Variants in FRMD8 observed in about 807,000 individuals in gnomAD.
FRMD8 encodes FERM domain-containing protein 8.
A neutral mutation model predicts 54.2 loss-of-function variants in FRMD8; 37 were observed. The observed-to-expected ratio is 0.68, with a 90% CI of 0.53 to 0.90. The LOEUF is 0.90. Ranked by LOEUF, FRMD8 falls within the 40% of genes least tolerant of loss-of-function variation. The probability of loss-of-function intolerance (pLI) is 0.00; values close to 1 mark genes in which losing one functional copy is unlikely to be tolerated. For missense variants in FRMD8, 585 were observed against 653.7 expected (o/e 0.89, Z 1.15); for synonymous variants, 246 against 286.9 (o/e 0.86, Z 1.44).
intron 10 of FRMD8, among the ~76,000 whole-genome samples, chr11:65,409,582 C>T (rs1461887324): frequency 6.6e-6 from 1 of 151,790 alleles, no homozygotes; most frequent in Non-Finnish European, 1.5e-5. Context: ...GACCAGCCTG[C>T]GCAACATAGC....
rs1306129298 is a variant in FRMD8, at chr11:65,411,374, G to C, written c.*14G>C. On this transcript the variant is annotated 3_prime_UTR_variant, in exon 11 of 11. Coordinates refer to ENST00000317568, the MANE Select transcript of FRMD8 (RefSeq NM_031904.5). ...GAGCAGGGCTGAGGACGCTGCACCCGGCAGGAGGAGGGCGACTGGGGGCCC... is the reference window on the plus strand; with the variant it reads ...GAGCAGGGCTGAGGACGCTGCACCCCGCAGGAGGAGGGCGACTGGGGGCCC... 1 of 1,531,770 alleles carries C rather than the reference G, an allele frequency of 6.5e-7. No homozygotes were observed. The highest frequency in any genetic ancestry group is 1.9e-5 in the Admixed American group (1 of 51,496). The allele number at this position is 1,531,770 out of a possible 1,614,324, so 94.9% of individuals were successfully genotyped here.
chr11:65,412,702 C>A lies in FRMD8; in HGVS notation c.*1342C>A, dbSNP rs1006250686. On this transcript the variant is annotated 3_prime_UTR_variant, in exon 11 of 11. Coordinates refer to ENST00000317568, the MANE Select transcript of FRMD8 (RefSeq NM_031904.5). The stretch of plus-strand genomic sequence containing the variant: ...GGAGAGGAAGCTTGGGCCTCTACTC[C>A]AAGTATCAGAGCCTGTTCACCCTCC... 2.0e-5 allele frequency: 3 copies of A among 152,266 alleles called. No homozygotes were observed. Among genetic ancestry groups the A allele is most frequent in the African/African-American group, 4.8e-5 (2 of 41,468 alleles). 9.4% of individuals were successfully genotyped at this position (152,266 alleles called of 1,614,324 possible). A position where few individuals can be genotyped will look rare whatever the true frequency, so the allele number is the denominator to read the frequency against.
At chr11:65,379,739 C>A in the FRMD8 span, 2 of 1,335,190 alleles carry the variant, frequency 1.5e-6, no homozygotes, top group Non-Finnish European at 2.1e-6. Flanking sequence ...CCACCCAGGC[C>A]CCCCAAGGAT....
At chr11:65,393,165 G>A (rs1253325064) in intron 3 of FRMD8, among the ~76,000 whole-genome samples, 1 of 152,190 alleles carries the variant, frequency 6.6e-6, no homozygotes, top group Admixed American at 6.5e-5. Context: ...CTGCCAGTGG[G>A]GGGGCAAGGC....
intron 10 of FRMD8, among the ~76,000 whole-genome samples, chr11:65,410,591 C>G (rs1312244696): frequency 6.6e-6 from 1 of 152,104 alleles, no homozygotes; most frequent in African/African-American, 2.4e-5. Context: ...GAGATCGAGA[C>G]CATCTTGGCT....
At chr11:65,381,777 C>T, upstream of FRMD8, 1 of 1,091,228 alleles carries the variant, frequency 9.2e-7, no homozygotes, top group South Asian at 1.2e-5. Flanking sequence ...AGACTGGTCT[C>T]AAACTCCTGG....
Position 65,394,061 on chromosome 11 carries a change from C to G in FRMD8, c.376C>G (p.Arg126Gly). 3.1e-6 allele frequency: 5 copies of G among 1,614,148 alleles called. No individual in the cohort carries two copies. The highest frequency in any genetic ancestry group is 4.2e-6 in the Non-Finnish European group (5 of 1,179,988). Residue 126 changes from arginine (R) to glycine (G), a missense_variant, in exon 5 of 11, where the codon CGA becomes GGA. Transcript: ENST00000317568. ...CCCAGATGAGCCTTTCCTGCAGTTC[C>G]GAAGGAACGTGTTCTTCCCAAAGCG... ...VAMDEPFLQFRRNVFFPKRRE... is the reference protein window; with the variant it reads ...VAMDEPFLQFGRNVFFPKRRE...
chr11:65,399,860 G>C lies in FRMD8; in HGVS notation c.927+1G>C. On this transcript the variant is annotated splice_donor_variant, in intron 8 of 10. Coordinates refer to ENST00000317568, the MANE Select transcript of FRMD8 (RefSeq NM_031904.5). LOFTEE classifies it high-confidence loss of function. ...GCACGTCATCGATAGCAGAGAGAAG[G>C]TACTGCCCCCAGCTCCTCCAGGGTG... The C allele has an allele frequency of 6.2e-7, 1 of 1,611,894 alleles. No homozygotes were observed. Among genetic ancestry groups the C allele is most frequent in the Non-Finnish European group, 8.5e-7 (1 of 1,178,870 alleles).
chr11:65,389,982 A>AT, intron 3 of FRMD8, among the ~76,000 whole-genome samples: 1 of 152,206 alleles, frequency 6.6e-6, no homozygotes, highest in African/African-American at 2.4e-5. Context: ...AGACAGACCC[A>AT]GGCCTGAGTG....
chr11:65,401,504 C>T (rs1856080734), intron 9 of FRMD8, among the ~76,000 whole-genome samples: 1 of 149,814 alleles, frequency 6.7e-6, no homozygotes, highest in South Asian at 2.1e-4. Flanking sequence ...CTCTCTGGAT[C>T]CTTCATTCCA....
upstream of FRMD8, among the ~76,000 whole-genome samples, chr11:65,386,132 G>A (rs1231607210): frequency 1.3e-5 from 2 of 152,158 alleles, no homozygotes; most frequent in African/African-American, 4.8e-5. Context: ...TAGAGAGTAG[G>A]GATAGTCCTT....
At position 65,407,557 on chromosome 11, in the gene FRMD8, C is replaced by G. The variant is rs376067442; in HGVS notation, c.1276+2489C>G. Among the ~76,000 whole-genome samples the G allele has an allele frequency of 1.7e-4, 25 of 151,442 alleles. 3 individuals carry two copies. In the South Asian group the frequency reaches 5.3e-3, roughly 32 times the overall value. ...TGAGCCACCGCACCCGGCCAGAGATCTACATTTTACATGGCAAGATGTTCA... is the reference window on the plus strand; with the variant it reads ...TGAGCCACCGCACCCGGCCAGAGATGTACATTTTACATGGCAAGATGTTCA... On this transcript the variant is annotated intron_variant, in intron 10 of 10. Transcript: ENST00000317568.
intron 3 of FRMD8, among the ~76,000 whole-genome samples, chr11:65,391,916 T>C (rs1229233823): frequency 6.6e-6 from 1 of 152,172 alleles, no homozygotes; most frequent in Non-Finnish European, 1.5e-5. Flanking sequence ...CACTGTGCCT[T>C]CCCCAGCTTC....
At chr11:65,373,023 G>A in the FRMD8 span, among the ~76,000 whole-genome samples, 77 of 152,262 alleles carry the variant, frequency 5.1e-4, no homozygotes, top group Non-Finnish European at 9.6e-4. Flanking sequence ...AGGCTGAGGC[G>A]GGCGGATCAC....
chr11:65,394,555 A>G (rs1855910571), intron 6 of FRMD8, 130 bp downstream of exon 6: 1 of 1,129,412 alleles, frequency 8.9e-7, no homozygotes. Flanking sequence ...TCAGCCCCGC[A>G]GGCTCACTCT....
chr11:65,376,193 G>A, the FRMD8 span: 1 of 616,464 alleles, frequency 1.6e-6, no homozygotes, highest in Non-Finnish European at 2.8e-6. Context: ...AGGCAAAGGA[G>A]TCAAGGCCAG....
At chr11:65,370,843 T>A in the FRMD8 span, among the ~76,000 whole-genome samples, 1 of 152,060 alleles carries the variant, frequency 6.6e-6, no homozygotes, top group African/African-American at 2.4e-5. Flanking sequence ...GACAGGAGGA[T>A]CACTTGAGCC....
chr11:65,394,444 T>A lies in FRMD8; in HGVS notation c.581+19T>A. ...ACCTGAGGTGAGGGCCTGTGTGACT[T>A]GAGGCGGGGGCGCTGGGTGGGGGAG... On this transcript the variant is annotated intron_variant, in intron 6 of 10. Coordinates refer to ENST00000317568, the MANE Select transcript of FRMD8 (RefSeq NM_031904.5). The A allele has an allele frequency of 6.4e-7, 1 of 1,557,732 alleles. No homozygotes were observed. The highest frequency in any genetic ancestry group is 8.7e-7 in the Non-Finnish European group (1 of 1,155,150).
the FRMD8 span, chr11:65,376,322 T>C: frequency 6.7e-7 from 1 of 1,498,090 alleles, no homozygotes; most frequent in Non-Finnish European, 9.1e-7. Flanking sequence ...TTGCACTGAT[T>C]TGCAAGCTTT....
Sources: allele counts gnomAD v4.1 joint callset (sites outside exome capture counted in the v4.1 genomes callset), GRCh38; gene constraint gnomAD v4.1.1; transcripts MANE v1.5; gene names NCBI Gene and HGNC (gene_info 2026-07-23, HGNC 2026-07-21).